The following ZNF138 variants were observed in gnomAD, a reference collection of about 807,000 sequenced individuals.
The protein encoded by ZNF138 is zinc finger protein 138, also known as zinc finger protein 138 (clone pHZ-32).
Under a neutral mutation model 33.0 loss-of-function variants are expected in ZNF138, and 33 were observed. That is an observed-to-expected ratio of 1.00 (90% CI 0.76 to 1.34). The LOEUF (loss-of-function observed/expected upper bound fraction) is 1.34. Ranked by LOEUF, ZNF138 falls within the 40% of genes most tolerant of loss-of-function variation. The probability of loss-of-function intolerance (pLI) is 0.00; values close to 1 mark genes in which losing one functional copy is unlikely to be tolerated. For synonymous variants in ZNF138, 139 were observed against 120.4 expected, an observed-to-expected ratio of 1.15 and a Z score of -1.01; for missense variants, 360 against 370.8, an observed-to-expected ratio of 0.97 and a Z score of 0.24.
At chr7:64,815,081 C>T (rs1788504332) in intron 2 of ZNF138, 37 bp downstream of exon 2, 2 of 1,483,446 alleles carry the variant, frequency 1.3e-6, no homozygotes, top group Non-Finnish European at 1.8e-6. Context: ...CTAATATATC[C>T]TAAAGGTTTC....
At chr7:64,809,714 G>T (rs1301074539) in intron 1 of ZNF138, among the ~76,000 whole-genome samples, 1 of 144,364 alleles carries the variant, frequency 6.9e-6, no homozygotes, top group African/African-American at 2.6e-5. Flanking sequence ...GGCGGTTGCC[G>T]GGCAGAGGGT....
chr7:64,839,454 C>T, the ZNF138 span, among the ~76,000 whole-genome samples: 2 of 152,078 alleles, frequency 1.3e-5, no homozygotes, highest in Admixed American at 6.5e-5. Flanking sequence ...CAGACACAGA[C>T]GTCTCTGAGT....
At chr7:64,847,717 A>G in the ZNF138 span, among the ~76,000 whole-genome samples, 7 of 151,860 alleles carry the variant, frequency 4.6e-5, no homozygotes, top group African/African-American at 1.7e-4. Context: ...TTTTTTTTCC[A>G]CTCCATTACC....
intron 1 of ZNF138, among the ~76,000 whole-genome samples, chr7:64,800,797 T>G (rs1787081313): frequency 1.3e-5 from 2 of 152,290 alleles, no homozygotes; most frequent in African/African-American, 4.8e-5. Context: ...AATTTAGCTG[T>G]GGATGTCTCT....
At chr7:64,817,984 A>T (rs1330019112) in intron 3 of ZNF138, among the ~76,000 whole-genome samples, 12 of 143,804 alleles carry the variant, frequency 8.3e-5, no homozygotes, top group African/African-American at 1.3e-4. Context: ...AACATTATTT[A>T]TTATTATTAT....
the ZNF138 span, among the ~76,000 whole-genome samples, chr7:64,855,792 C>T: frequency 6.3e-4 from 8 of 12,670 alleles, 1 homozygote; most frequent in Admixed American, 4.2e-3. Flanking sequence ...GGATTGCAGA[C>T]GGAGTCTCGT....
chr7:64,835,234 A>T (rs1193933579), downstream of ZNF138: 1 of 152,160 alleles, frequency 6.6e-6, no homozygotes, highest in Non-Finnish European at 1.5e-5. Context: ...CTGGAGTCCA[A>T]TCAGTCCAGC....
the ZNF138 span, among the ~76,000 whole-genome samples, chr7:64,839,926 G>T: frequency 6.6e-6 from 1 of 151,988 alleles, no homozygotes; most frequent in Non-Finnish European, 1.5e-5. Flanking sequence ...CAGCGGGAGG[G>T]CCAGGGAAGT....
downstream of ZNF138, among the ~76,000 whole-genome samples, chr7:64,838,279 T>C (rs1194190046): frequency 1.3e-5 from 2 of 152,156 alleles, no homozygotes; most frequent in Admixed American, 1.3e-4. Context: ...CAGTGCCCCA[T>C]TTGTTGGCAG....
At chr7:64,819,853 A>G (rs1244783851) in intron 3 of ZNF138, among the ~76,000 whole-genome samples, 1 of 148,946 alleles carries the variant, frequency 6.7e-6, no homozygotes, top group Non-Finnish European at 1.5e-5. Context: ...CAAGAGGATT[A>G]CTTGAGCATG....
In ZNF138 at chr7:64,815,047, G is replaced by A. The variant is rs1329494344; in HGVS notation, c.130+3G>A. 3.1e-6 allele frequency: 5 copies of A among 1,597,988 alleles called. No homozygotes were observed. The highest frequency in any genetic ancestry group is 1.4e-5 in the African/African-American group (1 of 73,938). ...CTACAGAAACCTGGTTTTCTTGGGT[G>A]AGAATAACTTCAGTACACATTTCCT... On this transcript the variant is annotated splice_donor_region_variant and intron_variant, in intron 2 of 3. Coordinates refer to ENST00000307355, the MANE Select transcript of ZNF138 (RefSeq NM_001271639.2).
downstream of ZNF138, among the ~76,000 whole-genome samples, chr7:64,837,778 G>A (rs78630904): frequency 2.2e-4 from 33 of 152,182 alleles, no homozygotes; most frequent in Non-Finnish European, 3.8e-4. Flanking sequence ...TTATCTGTTC[G>A]ATGAGGGTTG....
the ZNF138 span, chr7:64,852,260 A>C: frequency 3.2e-6 from 2 of 623,584 alleles, no homozygotes; most frequent in South Asian, 4.0e-5. Flanking sequence ...AATTGTATCC[A>C]CTTACAAACT....
In ZNF138 at chr7:64,831,613, T is replaced by A. The variant is rs4236203; in HGVS notation, c.371T>A (p.Phe124Tyr). The change falls in exon 4 of 4, where the codon TTT (phenylalanine) becomes TAT (tyrosine). Residue 124 changes from phenylalanine (F) to tyrosine (Y), a missense_variant. Physicochemically the swap from Phe to Tyr is conservative, Grantham distance 22. Transcript: ENST00000307355. ...GAGTGTAAGGGACACCAAGGAGGTT[T>A]TAATGGACTTAACCAATGTTTGAAA... ...VDECKGHQGG[F>Y]NGLNQCLKIT... The A allele has an allele frequency of 1, 1,607,248 of 1,612,342 alleles. 801,219 individuals carry two copies. Among genetic ancestry groups the A allele is most frequent in the East Asian group, 1 (44,842 of 44,842 alleles).
At chr7:64,853,193 C>A in the ZNF138 span, 1 of 1,596,382 alleles carries the variant, frequency 6.3e-7, no homozygotes, top group Non-Finnish European at 8.6e-7. Context: ...CTCCCAGAAA[C>A]TGCTCATCTT....
intron 1 of ZNF138, among the ~76,000 whole-genome samples, chr7:64,809,132 A>AGG (rs1787860764): frequency 8.6e-6 from 1 of 116,018 alleles, no homozygotes; most frequent in Non-Finnish European, 1.8e-5. Flanking sequence ...GGCCGGGCAG[A>AGG]GGGGCTCCTC....
At chr7:64,847,393 G>A in the ZNF138 span, among the ~76,000 whole-genome samples, 508 of 144,468 alleles carry the variant, frequency 3.5e-3, 3 homozygotes, top group African/African-American at 0.011. Flanking sequence ...TGTTAAGCCC[G>A]TTTGTTCTAG....
chr7:64,850,728 G>A, the ZNF138 span, among the ~76,000 whole-genome samples: 1 of 152,098 alleles, frequency 6.6e-6, no homozygotes, highest in Non-Finnish European at 1.5e-5. Context: ...AAATCATAGG[G>A]TTTTGGTAAA....
chr7:64,824,953 T>G (rs1789457030), intron 3 of ZNF138, among the ~76,000 whole-genome samples: 1 of 151,382 alleles, frequency 6.6e-6, no homozygotes, highest in African/African-American at 2.4e-5. Flanking sequence ...GCAGTTCTCC[T>G]GCCTCAGTTT....
Sources: allele counts gnomAD v4.1 joint callset (sites outside exome capture counted in the v4.1 genomes callset), GRCh38; gene constraint gnomAD v4.1.1; transcripts MANE v1.5; gene names NCBI Gene and HGNC (gene_info 2026-07-23, HGNC 2026-07-21).